GALNT7: variants seen among roughly 807,000 people sequenced by gnomAD.
GALNT7 encodes the protein polypeptide N-acetylgalactosaminyltransferase 7.
In GALNT7, 60 loss-of-function variants were observed where a neutral mutation model predicts 82.1. The ratio of observed to expected loss-of-function variants is 0.73; its 90% CI spans 0.59 to 0.91. The LOEUF (loss-of-function observed/expected upper bound fraction) is 0.91. GALNT7 is among the 40% of genes least tolerant of loss of function. The pLI is 0.00. For missense variants in GALNT7, 660 were observed against 804.2 expected, an observed-to-expected ratio of 0.82 and a Z score of 2.17; for synonymous variants, 243 against 275.1, an observed-to-expected ratio of 0.88 and a Z score of 1.15.
At chr4:173,251,639 G>A (rs80003345) in intron 2 of GALNT7, among the ~76,000 whole-genome samples, 76 of 152,170 alleles carry the variant, frequency 5.0e-4, no homozygotes, top group South Asian at 1.2e-3. Context: ...CTTGCACCCC[G>A]CAGTTTCCTT....
intron 1 of GALNT7, among the ~76,000 whole-genome samples, chr4:173,224,906 T>A (rs1733768628): frequency 6.6e-6 from 1 of 151,504 alleles, no homozygotes; most frequent in African/African-American, 2.4e-5. Context: ...TCCCAGCTAC[T>A]CGGGAGGCTG....
intron 1 of GALNT7, among the ~76,000 whole-genome samples, chr4:173,213,732 G>T (rs1462833924): frequency 1.3e-5 from 2 of 152,048 alleles, no homozygotes; most frequent in Non-Finnish European, 1.5e-5. Flanking sequence ...TGAAATTAAA[G>T]ATTAAGTCAC....
intron 2 of GALNT7, among the ~76,000 whole-genome samples, chr4:173,276,811 GA>G (rs894428539): frequency 1.3e-5 from 2 of 152,052 alleles, no homozygotes; most frequent in African/African-American, 4.8e-5. Context: ...TAGGTTGCAT[GA>G]AAATTTTTTT....
intron 11 of GALNT7, among the ~76,000 whole-genome samples, chr4:173,321,023 G>A (rs1737794167): frequency 1.3e-5 from 2 of 152,126 alleles, no homozygotes; most frequent in Admixed American, 6.6e-5. Flanking sequence ...TGGTGTCTTC[G>A]TATTATGATG....
intron 2 of GALNT7, among the ~76,000 whole-genome samples, chr4:173,252,786 A>G (rs1395530942): frequency 1.3e-5 from 2 of 152,222 alleles, no homozygotes; most frequent in African/African-American, 2.4e-5. Context: ...GGGGCTCACC[A>G]TCTACCACTA....
intron 2 of GALNT7, among the ~76,000 whole-genome samples, chr4:173,286,716 A>C (rs1194351822): frequency 6.6e-6 from 1 of 152,122 alleles, no homozygotes; most frequent in Non-Finnish European, 1.5e-5. Flanking sequence ...TAACTGCTTG[A>C]GTTTCGTTAT....
At chr4:173,232,396 A>G (rs1579936111) in intron 1 of GALNT7, among the ~76,000 whole-genome samples, 1 of 152,074 alleles carries the variant, frequency 6.6e-6, no homozygotes, top group Non-Finnish European at 1.5e-5. Context: ...ACAGTGTGTA[A>G]TGATCAAATC....
chr4:173,311,486 A>G (rs1004215668), intron 8 of GALNT7, among the ~76,000 whole-genome samples: 1 of 152,238 alleles, frequency 6.6e-6, no homozygotes, highest in Non-Finnish European at 1.5e-5. Flanking sequence ...CTTCTAAGAA[A>G]GCTCAGGAAG....
intron 8 of GALNT7, among the ~76,000 whole-genome samples, chr4:173,312,496 T>TC (rs918496172): frequency 2.0e-5 from 3 of 152,190 alleles, no homozygotes; most frequent in African/African-American, 7.2e-5. Context: ...ACTCACCCCC[T>TC]CACCTCCATA....
intron 2 of GALNT7, among the ~76,000 whole-genome samples, chr4:173,251,278 G>A (rs1005982087): frequency 6.6e-6 from 1 of 152,124 alleles, no homozygotes; most frequent in African/African-American, 2.4e-5. Flanking sequence ...TTACCTAAAC[G>A]TTAAGACAGA....
chr4:173,320,870 G>C lies in GALNT7; in HGVS notation c.1837-710G>C, dbSNP rs183232834. Among the ~76,000 whole-genome samples the C allele has an allele frequency of 1.8e-3, 270 of 152,142 alleles. No individual in the cohort carries two copies. Among genetic ancestry groups the C allele is most frequent in the African/African-American group, 6.0e-3 (248 of 41,508 alleles). On this transcript the variant is annotated intron_variant, in intron 11 of 11. Coordinates refer to ENST00000265000, the MANE Select transcript of GALNT7 (RefSeq NM_017423.3). This position sits in a 1 kb window ranked among gnomAD's most constrained non-coding sequence, Gnocchi z 4.1. ...ATCAGTGACATCCTTAAGTGAAACC[G>C]GCATTTACTTTTCAACTGTGTGTGG...
Position 173,203,982 on chromosome 4 carries a change from G to A in GALNT7, c.126+35021G>A, listed in dbSNP as rs1204214431. On this transcript the variant is annotated intron_variant, in intron 1 of 11. Coordinates refer to ENST00000265000, the MANE Select transcript of GALNT7 (RefSeq NM_017423.3). ...AATTAGCATCCTTTTCTTTCAGCTTGAAGAACTCCCTTTACTATTTCTTAT... is the reference window on the plus strand; with the variant it reads ...AATTAGCATCCTTTTCTTTCAGCTTAAAGAACTCCCTTTACTATTTCTTAT... Among the ~76,000 whole-genome samples, 5 of 152,236 alleles carry A rather than the reference G, an allele frequency of 3.3e-5. No individual in the cohort carries two copies. The East Asian group carries it at 9.7e-4, about 29-fold the overall frequency.
intron 1 of GALNT7, among the ~76,000 whole-genome samples, chr4:173,216,706 C>CATATATATATATAT (rs202210734): frequency 5.3e-5 from 3 of 56,970 alleles, no homozygotes; most frequent in African/African-American, 2.9e-4. Flanking sequence ...GTGTACTATT[C>CATATATATATATAT]ATATATATAT....
chr4:173,282,770 A>G (rs1053894277), intron 2 of GALNT7, among the ~76,000 whole-genome samples: 1 of 152,232 alleles, frequency 6.6e-6, no homozygotes, highest in Non-Finnish European at 1.5e-5. Flanking sequence ...GAGACAAGGA[A>G]GGAGGTAAGG....
intron 2 of GALNT7, among the ~76,000 whole-genome samples, chr4:173,280,596 C>T (rs1301037200): frequency 1.3e-5 from 2 of 152,090 alleles, no homozygotes; most frequent in Non-Finnish European, 2.9e-5. Context: ...CAGAGCAGTT[C>T]TACAATGTAG....
intron 5 of GALNT7, among the ~76,000 whole-genome samples, chr4:173,296,867 A>G (rs1228311805): frequency 2.6e-5 from 4 of 152,142 alleles, no homozygotes; most frequent in African/African-American, 9.7e-5. Flanking sequence ...TCCAGTTCAC[A>G]CTCTGGAGAG....
intron 1 of GALNT7, among the ~76,000 whole-genome samples, chr4:173,237,808 C>T (rs1372548600): frequency 4.6e-5 from 7 of 150,848 alleles, no homozygotes; most frequent in African/African-American, 1.5e-4. Context: ...GATTGATATT[C>T]GGAATGCTAT....
chr4:173,271,947 T>C (rs963665839), intron 2 of GALNT7, among the ~76,000 whole-genome samples: 3 of 152,228 alleles, frequency 2.0e-5, no homozygotes, highest in African/African-American at 7.2e-5. Flanking sequence ...ATCCATCCTT[T>C]ATTTTGGGAC....
intron 8 of GALNT7, among the ~76,000 whole-genome samples, chr4:173,308,692 C>T (rs1024976087): frequency 6.6e-6 from 1 of 152,134 alleles, no homozygotes. Flanking sequence ...ATCACGAGGT[C>T]AGGAGTTCGA....
Sources: allele counts gnomAD v4.1 joint callset (sites outside exome capture counted in the v4.1 genomes callset), GRCh38; gene constraint gnomAD v4.1.1; non-coding constraint Gnocchi (gnomAD v3.1); transcripts MANE v1.5; gene names NCBI Gene and HGNC (gene_info 2026-07-23, HGNC 2026-07-21).